UGT1A8: variants seen among roughly 807,000 people sequenced by gnomAD.
The protein encoded by UGT1A8 is UDP-glucuronosyltransferase 1A8.
A neutral mutation model predicts 45.3 loss-of-function variants in UGT1A8; 39 were observed. That is an observed-to-expected ratio of 0.86 (90% confidence interval 0.67 to 1.12). UGT1A8 has a LOEUF of 1.12. Ranked by LOEUF, UGT1A8 falls within the 50% of genes most tolerant of loss-of-function variation. UGT1A8 has a pLI of 0.00. For synonymous variants in UGT1A8, 275 were observed against 249.2 expected (o/e 1.10, Z -0.97); for missense variants, 719 against 664.9 (o/e 1.08, Z -0.90).
intron 1 of UGT1A8, chr2:233,692,726 C>A: frequency 1.1e-6 from 1 of 900,732 alleles, no homozygotes; most frequent in Non-Finnish European, 1.5e-6. Flanking sequence ...GTTGCTATAA[C>A]TTTTCAGAGA....
intron 1 of UGT1A8, among the ~76,000 whole-genome samples, chr2:233,709,616 G>A (rs2125616284): frequency 6.6e-6 from 1 of 152,262 alleles, no homozygotes; most frequent in Non-Finnish European, 1.5e-5. Context: ...TTAAATATAG[G>A]TGTTTTGCTG....
At chr2:233,628,501 T>C (rs2073132094) in intron 1 of UGT1A8, among the ~76,000 whole-genome samples, 1 of 152,164 alleles carries the variant, frequency 6.6e-6, no homozygotes, top group East Asian at 1.9e-4. Context: ...GTATTTGTTC[T>C]AGGAGATTTT....
chr2:233,742,713 C>T lies in UGT1A8; in HGVS notation c.856-24321C>T, dbSNP rs546122146. 3.3e-4 allele frequency: 50 copies of T among 152,640 alleles called. 1 individual carries two copies. Among genetic ancestry groups the T allele is most frequent in the African/African-American group, 1.1e-3 (46 of 41,252 alleles). 9.5% of individuals were successfully genotyped at this position (152,640 alleles called of 1,614,324 possible). On this transcript the variant is annotated intron_variant, in intron 1 of 4. Coordinates refer to ENST00000373450, the MANE Select transcript of UGT1A8 (RefSeq NM_019076.5). ...GGGAACATGCTTCCACCGATTTCAG[C>T]TCAGTGATATGGGATTCAAATGTCT... is the stretch of plus-strand genomic sequence containing the variant.
chr2:233,682,780 G>A (rs1395260675), intron 1 of UGT1A8: 3 of 1,612,672 alleles, frequency 1.9e-6, no homozygotes, highest in Non-Finnish European at 1.7e-6. Flanking sequence ...ATCAGGGAAA[G>A]CCAGTGCCTA....
intron 1 of UGT1A8, among the ~76,000 whole-genome samples, chr2:233,742,305 A>G (rs1353036304): frequency 6.6e-6 from 1 of 152,010 alleles, no homozygotes; most frequent in African/African-American, 2.4e-5. Context: ...AGATTAACTA[A>G]AAGTATTCCT....
At chr2:233,690,519 G>T in intron 1 of UGT1A8, 1 of 1,289,602 alleles carries the variant, frequency 7.8e-7, no homozygotes, top group Non-Finnish European at 1.0e-6. Context: ...TTTTATCTTA[G>T]GATCTACTTC....
intron 1 of UGT1A8, among the ~76,000 whole-genome samples, chr2:233,756,600 G>A (rs1331506160): frequency 6.6e-6 from 1 of 152,122 alleles, no homozygotes; most frequent in Non-Finnish European, 1.5e-5. Flanking sequence ...TTACTGTATC[G>A]AAACCATTAA....
intron 1 of UGT1A8, among the ~76,000 whole-genome samples, chr2:233,737,663 G>A (rs918279158): frequency 3.9e-5 from 6 of 152,176 alleles, no homozygotes; most frequent in South Asian, 4.1e-4. Context: ...GCTGCAGATC[G>A]GAGCTGTTCC....
chr2:233,744,010 C>T, intron 1 of UGT1A8: 1 of 1,130,886 alleles, frequency 8.8e-7, no homozygotes, highest in Non-Finnish European at 1.2e-6. Context: ...GAGACCTGGG[C>T]CGCCTGGAGA....
rs150592409 is a variant in UGT1A8, at chr2:233,726,667, G to A, written c.856-40367G>A. On this transcript the variant is annotated intron_variant, in intron 1 of 4. Coordinates refer to ENST00000373450, the MANE Select transcript of UGT1A8 (RefSeq NM_019076.5). ...TAAAACTCTTAATTTAATCATATCT[G>A]TGAAGTCTCTTCCACCTGTAACGGA... Among the ~76,000 whole-genome samples, 7 of 152,246 alleles carry A rather than the reference G, an allele frequency of 4.6e-5. No individual in the cohort carries two copies. The East Asian group carries it at 1.3e-3, about 29-fold the overall frequency.
rs369738416 is a variant in UGT1A8 at position 233,718,805 on chromosome 2, G to A, written c.856-48229G>A. On this transcript the variant is annotated intron_variant, in intron 1 of 4. Transcript: ENST00000373450. The stretch of plus-strand genomic sequence containing the variant: ...AGCGTGGGGTGGACAGTCAGCTGTC[G>A]GTGGCTTCTGCTGAGATGGCCAGAG... 6.6e-5 allele frequency: 107 copies of A among 1,613,182 alleles called. No homozygotes were observed. The African/African-American group carries it at 1.2e-3, about 18-fold the overall frequency.
intron 1 of UGT1A8, among the ~76,000 whole-genome samples, chr2:233,736,717 T>A (rs954698353): frequency 4.0e-5 from 6 of 151,034 alleles, no homozygotes; most frequent in Non-Finnish European, 3.0e-5. Flanking sequence ...GATGTCCTTT[T>A]TGTTGATGTT....
At chr2:233,723,024 G>A (rs1419392823) in intron 1 of UGT1A8, among the ~76,000 whole-genome samples, 1 of 144,364 alleles carries the variant, frequency 6.9e-6, no homozygotes, top group Non-Finnish European at 1.5e-5. Flanking sequence ...AAGGTGGAAG[G>A]GCCAGCGGGA....
chr2:233,655,423 A>T (rs1575404285), intron 1 of UGT1A8, among the ~76,000 whole-genome samples: 1 of 152,260 alleles, frequency 6.6e-6, no homozygotes, highest in South Asian at 2.1e-4. Flanking sequence ...GGAGCACTGG[A>T]AGCTGGCCAC....
chr2:233,728,405 T>C (rs1373851187), intron 1 of UGT1A8, among the ~76,000 whole-genome samples: 2 of 152,184 alleles, frequency 1.3e-5, no homozygotes, highest in Non-Finnish European at 2.9e-5. Context: ...CCATGTGTGC[T>C]TTAGATAGCA....
intron 1 of UGT1A8, chr2:233,693,367 G>A: frequency 6.2e-7 from 1 of 1,614,154 alleles, no homozygotes; most frequent in Non-Finnish European, 8.5e-7. Context: ...TTATTGGCCT[G>A]TACTTCATCA....
At chr2:233,671,807 A>ATTTTTTTTTT in intron 1 of UGT1A8, 1 of 1,373,166 alleles carries the variant, frequency 7.3e-7, no homozygotes. Context: ...TCAGTGACTG[A>ATTTTTTTTTT]TTTTTTTTTT....
intron 1 of UGT1A8, chr2:233,743,967 C>A (rs1487193750): frequency 1.5e-6 from 2 of 1,326,686 alleles, no homozygotes; most frequent in African/African-American, 1.5e-5. Flanking sequence ...AGCGGCAAGG[C>A]TGCCAGCACC....
In UGT1A8 at chr2:233,769,168, C is replaced by T. The variant is rs1699803234; in HGVS notation, c.1295+729C>T. Among the ~76,000 whole-genome samples the T allele has an allele frequency of 6.6e-6, 1 of 152,082 alleles. No individual in the cohort carries two copies. Among genetic ancestry groups the T allele is most frequent in the Non-Finnish European group, 1.5e-5 (1 of 68,026 alleles). The stretch of plus-strand genomic sequence containing the variant: ...ACTGGAACCTGTGAGAAATTTTGTC[C>T]ATGGAGTTTATGAATGAAGGAGCTA... On this transcript the variant is annotated intron_variant, in intron 4 of 4. Coordinates refer to ENST00000373450, the MANE Select transcript of UGT1A8 (RefSeq NM_019076.5). The surrounding 1 kb of genome is among the most constrained non-coding windows in gnomAD (Gnocchi z 4.4).
Sources: allele counts gnomAD v4.1 joint callset (sites outside exome capture counted in the v4.1 genomes callset), GRCh38; gene constraint gnomAD v4.1.1; non-coding constraint Gnocchi (gnomAD v3.1); transcripts MANE v1.5; gene names NCBI Gene and HGNC (gene_info 2026-07-23, HGNC 2026-07-21).